The following RAD51B variants were observed in gnomAD, a reference collection of about 807,000 sequenced individuals.
RAD51B encodes the protein RAD51 paralog B.
A neutral mutation model predicts 42.2 loss-of-function variants in RAD51B; 38 were observed. The ratio of observed to expected loss-of-function variants is 0.90; its 90% CI spans 0.70 to 1.18. RAD51B has a LOEUF of 1.18. Among genes scored for constraint, RAD51B ranks in the 50% most tolerant of loss-of-function variants. The pLI, the probability that RAD51B is intolerant of heterozygous loss-of-function variation, is 0.00. For synonymous variants in RAD51B, 154 were observed against 145.2 expected (o/e 1.06, Z -0.43); for missense variants, 373 against 400.7 (o/e 0.93, Z 0.59).
At chr14:68,434,210 A>C (rs1375375155) in intron 9 of RAD51B, among the ~76,000 whole-genome samples, 2 of 152,196 alleles carry the variant, frequency 1.3e-5, no homozygotes, top group Non-Finnish European at 2.9e-5. Context: ...TTGAGGAGGC[A>C]GTCTGTCTGT....
intron 8 of RAD51B, among the ~76,000 whole-genome samples, chr14:68,407,414 A>T (rs895267864): frequency 6.6e-6 from 1 of 152,226 alleles, no homozygotes; most frequent in Non-Finnish European, 1.5e-5. Context: ...CTGAGATTAT[A>T]GTAGGTTTAT....
chr14:67,913,211 A>G (rs1194743985), intron 7 of RAD51B, among the ~76,000 whole-genome samples: 2 of 152,254 alleles, frequency 1.3e-5, no homozygotes, highest in East Asian at 1.9e-4. Flanking sequence ...AGTTTTACCT[A>G]TTGCTGTATC....
intron 7 of RAD51B, among the ~76,000 whole-genome samples, chr14:67,947,614 A>C (rs2045440173): frequency 6.6e-6 from 1 of 152,198 alleles, no homozygotes; most frequent in Non-Finnish European, 1.5e-5. Flanking sequence ...CTCCCCTAGA[A>C]GTATTGGTTA....
chr14:67,852,055 C>T (rs1344840936), intron 4 of RAD51B, among the ~76,000 whole-genome samples: 2 of 152,172 alleles, frequency 1.3e-5, no homozygotes, highest in Non-Finnish European at 2.9e-5. Flanking sequence ...TCACTCCCTC[C>T]CCAGCCTGAG....
At chr14:68,428,707 T>TATA in intron 9 of RAD51B, among the ~76,000 whole-genome samples, 1 of 99,584 alleles carries the variant, frequency 1.0e-5, no homozygotes, top group African/African-American at 4.8e-5. Flanking sequence ...AGGATTTTCT[T>TATA]TATATATATA....
At chr14:67,883,566 T>G (rs1362014021) in intron 5 of RAD51B, among the ~76,000 whole-genome samples, 3 of 152,190 alleles carry the variant, frequency 2.0e-5, no homozygotes, top group Non-Finnish European at 1.5e-5. Flanking sequence ...TCTTATCTCT[T>G]TTAAGCTTTT....
intron 10 of RAD51B, among the ~76,000 whole-genome samples, chr14:68,628,166 C>A (rs2140120538): frequency 6.6e-6 from 1 of 152,360 alleles, no homozygotes; most frequent in South Asian, 2.1e-4. Flanking sequence ...TCTTTCCAGT[C>A]ATTGAAAATT....
At chr14:67,996,674 G>A (rs1328406242) in intron 7 of RAD51B, among the ~76,000 whole-genome samples, 2 of 152,134 alleles carry the variant, frequency 1.3e-5, no homozygotes, top group African/African-American at 4.8e-5. Context: ...GGTAACAATG[G>A]TCTGCTTATG....
chr14:68,028,607 T>G (rs1404102329), intron 7 of RAD51B, among the ~76,000 whole-genome samples: 1 of 152,134 alleles, frequency 6.6e-6, no homozygotes, highest in Non-Finnish European at 1.5e-5. Flanking sequence ...AGTTGGGTTT[T>G]GGATATTTTG....
At chr14:68,409,081 A>C (rs926679619) in intron 8 of RAD51B, among the ~76,000 whole-genome samples, 2 of 152,214 alleles carry the variant, frequency 1.3e-5, no homozygotes, top group African/African-American at 4.8e-5. Context: ...GAAATGTTCT[A>C]AAGTTAATTG....
chr14:68,583,697 T>C (rs1890317257), intron 10 of RAD51B, among the ~76,000 whole-genome samples: 1 of 152,148 alleles, frequency 6.6e-6, no homozygotes, highest in African/African-American at 2.4e-5. Context: ...AGCTCCGCAG[T>C]GCCCTCAAGC....
At chr14:68,230,352 A>T (rs773926544) in intron 7 of RAD51B, among the ~76,000 whole-genome samples, 1 of 152,210 alleles carries the variant, frequency 6.6e-6, no homozygotes, top group Non-Finnish European at 1.5e-5. Flanking sequence ...AACAGAAACT[A>T]ATGGTCACGT....
intron 7 of RAD51B, among the ~76,000 whole-genome samples, chr14:68,221,973 TCAAA>T (rs2079938076): frequency 6.6e-6 from 1 of 151,978 alleles, no homozygotes; most frequent in African/African-American, 2.4e-5. Flanking sequence ...GAAATGCAAA[TCAAA>T]ACCACGACGT....
chr14:68,195,921 A>C (rs1462625386), intron 7 of RAD51B, among the ~76,000 whole-genome samples: 2 of 133,152 alleles, frequency 1.5e-5, no homozygotes, highest in East Asian at 2.3e-4. Flanking sequence ...AAAAAAAAAA[A>C]AAAACAACAA....
At chr14:67,955,281 A>G (rs1023542822) in intron 7 of RAD51B, among the ~76,000 whole-genome samples, 20 of 152,222 alleles carry the variant, frequency 1.3e-4, no homozygotes, top group African/African-American at 4.3e-4. Context: ...TGATGTACAT[A>G]TCTTAGATCC....
Position 68,219,413 on chromosome 14 carries a change from A to G in RAD51B, c.757-72471A>G, listed in dbSNP as rs550282953. On this transcript the variant is annotated intron_variant, in intron 7 of 10. Coordinates refer to ENST00000471583, the MANE Select transcript of RAD51B (RefSeq NM_133510.4). ...CAAAACCAATTCACTAAACAAAAAC[A>G]CAACAAAGGACCCTCAGAGAGTCCA... is the stretch of plus-strand genomic sequence containing the variant. Among the ~76,000 whole-genome samples the G allele has an allele frequency of 7.2e-5, 11 of 152,252 alleles. No homozygotes were observed. The South Asian group carries it at 2.3e-3, about 32-fold the overall frequency.
chr14:68,293,345 C>T (rs1049371229), intron 8 of RAD51B, among the ~76,000 whole-genome samples: 41 of 152,148 alleles, frequency 2.7e-4, no homozygotes, highest in African/African-American at 8.9e-4. Flanking sequence ...TTGAAATCAG[C>T]CATGGTGAAA....
chr14:68,238,230 A>G (rs1464481643), intron 7 of RAD51B, among the ~76,000 whole-genome samples: 1 of 152,144 alleles, frequency 6.6e-6, no homozygotes, highest in Non-Finnish European at 1.5e-5. Context: ...GTGAAGTGGT[A>G]TTTCATGGTG....
chr14:68,330,752 T>A (rs925003901), intron 8 of RAD51B, among the ~76,000 whole-genome samples: 1 of 152,214 alleles, frequency 6.6e-6, no homozygotes, highest in African/African-American at 2.4e-5. Context: ...ATAGGATTTT[T>A]ATTTTCTACT....
Sources: allele counts gnomAD v4.1 joint callset (sites outside exome capture counted in the v4.1 genomes callset), GRCh38; gene constraint gnomAD v4.1.1; transcripts MANE v1.5; gene names NCBI Gene and HGNC (gene_info 2026-07-23, HGNC 2026-07-21).